GBE1: variants seen among roughly 807,000 people sequenced by gnomAD.
GBE1 encodes 1,4-alpha-glucan-branching enzyme.
A neutral mutation model predicts 88.8 loss-of-function variants in GBE1; 70 were observed. The ratio of observed to expected loss-of-function variants is 0.79; its 90% CI spans 0.65 to 0.96. GBE1 has a LOEUF of 0.96. GBE1 is among the 40% of genes least tolerant of loss of function. The pLI, the probability that GBE1 is intolerant of heterozygous loss-of-function variation, is 0.00. For missense variants in GBE1, 872 were observed against 871.0 expected, an observed-to-expected ratio of 1.00 and a Z score of -0.01; for synonymous variants, 284 against 300.1, an observed-to-expected ratio of 0.95 and a Z score of 0.56.
intron 1 of GBE1, among the ~76,000 whole-genome samples, chr3:81,732,689 T>A (rs1706206288): frequency 6.6e-6 from 1 of 152,178 alleles, no homozygotes; most frequent in Admixed American, 6.6e-5. Context: ...TTGGATCACA[T>A]AATAGCCATA....
intron 1 of GBE1, among the ~76,000 whole-genome samples, chr3:81,737,377 T>A (rs13086054): frequency 4.6e-4 from 14 of 30,612 alleles, no homozygotes; most frequent in Non-Finnish European, 7.6e-4. Flanking sequence ...TTATATATAT[T>A]TTTATATATA....
intron 12 of GBE1, among the ~76,000 whole-genome samples, chr3:81,545,737 T>A (rs1703197936): frequency 6.6e-6 from 1 of 152,226 alleles, no homozygotes; most frequent in African/African-American, 2.4e-5. Context: ...CCTGAAAATA[T>A]TAAATGGAAA....
chr3:81,674,063 T>A (rs921825861), intron 2 of GBE1, among the ~76,000 whole-genome samples: 2 of 151,968 alleles, frequency 1.3e-5, no homozygotes, highest in Non-Finnish European at 2.9e-5. Context: ...TAGTCCGTTT[T>A]CTCTCCAAAT....
intron 11 of GBE1, among the ~76,000 whole-genome samples, chr3:81,579,151 C>A (rs1436148126): frequency 6.6e-6 from 1 of 151,810 alleles, no homozygotes; most frequent in East Asian, 1.9e-4. Flanking sequence ...TTATAAAATC[C>A]TGTTGAGATA....
intron 8 of GBE1, among the ~76,000 whole-genome samples, chr3:81,592,797 T>TTC (rs1485813088): frequency 1.3e-5 from 2 of 152,136 alleles, no homozygotes; most frequent in African/African-American, 4.8e-5. Context: ...GAAAAGATTT[T>TTC]TCTTAACTTT....
At chr3:81,495,189 G>A (rs1446817026) in intron 15 of GBE1, among the ~76,000 whole-genome samples, 4 of 152,174 alleles carry the variant, frequency 2.6e-5, no homozygotes, top group Non-Finnish European at 5.9e-5. Context: ...AGGAGTTTGA[G>A]ACCAGCCTGG....
chr3:81,505,813 T>C (rs1446096214), intron 14 of GBE1, among the ~76,000 whole-genome samples: 1 of 152,062 alleles, frequency 6.6e-6, no homozygotes, highest in Non-Finnish European at 1.5e-5. Context: ...TTCTGTGATC[T>C]AGAGTACACA....
chr3:81,646,336 T>C (rs780360372), intron 6 of GBE1, 56 bp downstream of exon 6: 154 of 1,115,314 alleles, frequency 1.4e-4, no homozygotes, highest in Non-Finnish European at 1.7e-4. Context: ...TTTCATTTTG[T>C]TTCTTTAAAT....
chr3:81,626,736 T>C (rs1393728936), intron 7 of GBE1, among the ~76,000 whole-genome samples: 2 of 85,768 alleles, frequency 2.3e-5, no homozygotes, highest in East Asian at 7.0e-4. Context: ...TTCAGACTCA[T>C]TAAAAAAAAA....
chr3:81,525,579 A>G (rs1702932433), intron 14 of GBE1, among the ~76,000 whole-genome samples: 1 of 151,884 alleles, frequency 6.6e-6, no homozygotes, highest in Non-Finnish European at 1.5e-5. Context: ...CTCTTTTGTT[A>G]TTGATTGGAA....
chr3:81,636,182 T>C (rs924599559), intron 7 of GBE1, among the ~76,000 whole-genome samples: 2 of 152,196 alleles, frequency 1.3e-5, no homozygotes, highest in Non-Finnish European at 2.9e-5. Context: ...ACTTTCTTAA[T>C]CTCTTTTACA....
chr3:81,496,981 A>G (rs539391666), intron 15 of GBE1, among the ~76,000 whole-genome samples: 50 of 152,164 alleles, frequency 3.3e-4, no homozygotes, highest in Non-Finnish European at 6.0e-4. Context: ...GGCAGCATTC[A>G]GCTCTTTTCT....
chr3:81,514,744 T>G (rs1702774011), intron 14 of GBE1, among the ~76,000 whole-genome samples: 1 of 151,692 alleles, frequency 6.6e-6, no homozygotes, highest in South Asian at 2.1e-4. Flanking sequence ...AGGTAATACT[T>G]TTATGTAAAT....
chr3:81,659,495 C>A (rs1704992712), intron 3 of GBE1, among the ~76,000 whole-genome samples: 1 of 144,020 alleles, frequency 6.9e-6, no homozygotes, highest in Admixed American at 6.9e-5. Context: ...GCCACCACGC[C>A]CGGCTAATTT....
chr3:81,497,409 C>T (rs1025936396), intron 15 of GBE1, among the ~76,000 whole-genome samples: 1 of 152,120 alleles, frequency 6.6e-6, no homozygotes, highest in African/African-American at 2.4e-5. Context: ...TTACAGTTTC[C>T]AAAAAGCTTG....
chr3:81,629,977 T>C (rs1704484191), intron 7 of GBE1, among the ~76,000 whole-genome samples: 1 of 152,008 alleles, frequency 6.6e-6, no homozygotes, highest in African/African-American at 2.4e-5. Context: ...TTTGGTTTTT[T>C]GTCCTTGCGA....
At chr3:81,746,213 T>C (rs1393660867) in intron 1 of GBE1, among the ~76,000 whole-genome samples, 1 of 152,178 alleles carries the variant, frequency 6.6e-6, no homozygotes, top group Non-Finnish European at 1.5e-5. Context: ...AATGTAGAAG[T>C]GAAGACTGAT....
At chr3:81,570,702 T>A (rs981936674) in intron 12 of GBE1, among the ~76,000 whole-genome samples, 1 of 152,142 alleles carries the variant, frequency 6.6e-6, no homozygotes, top group Non-Finnish European at 1.5e-5. Flanking sequence ...TTATAGGCCT[T>A]CATAAAGGGG....
At chr3:81,712,229 T>C (rs879788391) in intron 1 of GBE1, among the ~76,000 whole-genome samples, 10 of 152,230 alleles carry the variant, frequency 6.6e-5, no homozygotes, top group Non-Finnish European at 1.0e-4. Flanking sequence ...TCAACCATTG[T>C]GGAAGACAGA....
Sources: allele counts gnomAD v4.1 joint callset (sites outside exome capture counted in the v4.1 genomes callset), GRCh38; gene constraint gnomAD v4.1.1; transcripts MANE v1.5; gene names NCBI Gene and HGNC (gene_info 2026-07-23, HGNC 2026-07-21).